Variants in MAOA observed in about 807,000 individuals in gnomAD.
The protein encoded by MAOA is amine oxidase [flavin-containing] A.
In MAOA, 6 loss-of-function variants were observed where a neutral mutation model predicts 42.0. The ratio of observed to expected loss-of-function variants is 0.14; its 90% CI spans 0.08 to 0.28. The LOEUF (loss-of-function observed/expected upper bound fraction) is 0.28. Ranked by LOEUF, MAOA falls within the 10% of genes least tolerant of loss-of-function variation. The probability of loss-of-function intolerance (pLI) is 1.00; values close to 1 mark genes in which losing one functional copy is unlikely to be tolerated. For synonymous variants in MAOA, 140 were observed against 154.0 expected, an observed-to-expected ratio of 0.91 and a Z score of 0.67; for missense variants, 262 against 422.3, an observed-to-expected ratio of 0.62 and a Z score of 3.33.
chrX:43,745,676 T>G lies in MAOA; in HGVS notation c.*1163T>G, dbSNP rs932944383. 9.0e-6 allele frequency: 1 copy of G among 111,458 alleles called. No individual in the cohort carries two copies. The highest frequency in any genetic ancestry group is 3.3e-5 in the African/African-American group (1 of 30,628). 9.2% of individuals were successfully genotyped at this position (111,458 alleles called of 1,213,427 possible). A position where few individuals can be genotyped will look rare whatever the true frequency, so the allele number is the denominator to read the frequency against. On this transcript the variant is annotated 3_prime_UTR_variant, in exon 15 of 15. Coordinates refer to ENST00000338702, the MANE Select transcript of MAOA (RefSeq NM_000240.4). ...TTAAGTTTTATAAAAGACATGAAAT[T>G]GAGTCATTTTATATATGAAAACTAA...
At chrX:43,682,160 C>T (rs1436838790) in intron 1 of MAOA, among the ~76,000 whole-genome samples, 7 of 111,470 alleles carry the variant, frequency 6.3e-5, no homozygotes, top group African/African-American at 1.6e-4. Flanking sequence ...GGATTACAGG[C>T]GTGAGCCACC....
At chrX:43,693,731 C>A (rs1276583707) in intron 3 of MAOA, among the ~76,000 whole-genome samples, 1 of 109,569 alleles carries the variant, frequency 9.1e-6, no homozygotes, top group Non-Finnish European at 1.9e-5. Context: ...CCTCCTAATG[C>A]ATTTGAAGGC....
intron 5 of MAOA, among the ~76,000 whole-genome samples, chrX:43,713,283 T>C (rs2033713184): frequency 1.8e-5 from 2 of 110,820 alleles, no homozygotes; most frequent in African/African-American, 3.3e-5. Context: ...AATTGAACAT[T>C]AAGAAGACAT....
In MAOA at chrX:43,672,999, G is replaced by T. The variant is rs777280355; in HGVS notation, c.74-10514G>T. 1.5e-4 allele frequency among the ~76,000 whole-genome samples: 17 copies of T among 111,227 alleles called. No homozygotes were observed. The East Asian group carries it at 4.8e-3, about 32-fold the overall frequency. On this transcript the variant is annotated intron_variant, in intron 1 of 14. Coordinates refer to ENST00000338702, the MANE Select transcript of MAOA (RefSeq NM_000240.4). The stretch of plus-strand genomic sequence containing the variant: ...CTCTCTTTTTCTATTGATTGGAATA[G>T]TTTCAGAAGGAATGGTACCAGTTCC...
At chrX:43,656,599 G>A (rs948940471) in intron 1 of MAOA, among the ~76,000 whole-genome samples, 185 bp downstream of exon 1, 1 of 111,146 alleles carries the variant, frequency 9.0e-6, no homozygotes, top group African/African-American at 3.3e-5. Context: ...GGTGTGACTG[G>A]GGGAGGCAGA....
rs1339460680 is a variant in MAOA at position 43,740,755 on chromosome X, T to A, written c.1164+17T>A. On this transcript the variant is annotated intron_variant, in intron 11 of 14. Transcript: ENST00000338702. ...GCTTTACATGTAAGAAACTCCCAGC[T>A]TTAATCCCTAGCAGGTTCTTCTCTG... The A allele has an allele frequency of 2.5e-6, 3 of 1,184,574 alleles. No homozygotes were observed. The highest frequency in any genetic ancestry group is 2.3e-4 in the Middle Eastern group (1 of 4,270).
At chrX:43,691,994 T>C (rs1469283235) in intron 2 of MAOA, among the ~76,000 whole-genome samples, 1 of 71,314 alleles carries the variant, frequency 1.4e-5, no homozygotes, top group African/African-American at 5.7e-5. Context: ...CAAGTTGCAC[T>C]GTATAGACAC....
intron 3 of MAOA, among the ~76,000 whole-genome samples, chrX:43,696,954 G>A (rs983182318): frequency 7.2e-5 from 8 of 111,420 alleles, no homozygotes; most frequent in Admixed American, 9.5e-5. Context: ...AATCACAGCC[G>A]CTGTGGTTGA....
chrX:43,670,324 A>G (rs1367172251), intron 1 of MAOA, among the ~76,000 whole-genome samples: 2 of 111,858 alleles, frequency 1.8e-5, no homozygotes, highest in South Asian at 3.7e-4. Flanking sequence ...TGGCCAATTC[A>G]TTATGGGATT....
chrX:43,722,569 G>T (rs2033799981), intron 5 of MAOA, among the ~76,000 whole-genome samples: 1 of 111,894 alleles, frequency 8.9e-6, no homozygotes, highest in South Asian at 3.7e-4. Context: ...TAGGTTCGTT[G>T]TAGATTCTGG....
chrX:43,683,484 T>G, intron 1 of MAOA, 29 bp from the exon 2 acceptor site: 1 of 1,076,042 alleles, frequency 9.3e-7, no homozygotes. Flanking sequence ...ATTTGAATGT[T>G]ACGTTGCTCT....
chrX:43,687,170 CAAGACCCCA>C (rs750006510), intron 2 of MAOA, among the ~76,000 whole-genome samples: 1 of 111,980 alleles, frequency 8.9e-6, no homozygotes, highest in Non-Finnish European at 1.9e-5. Flanking sequence ...AGATCTAAAT[CAAGACCCCA>C]AAGACTGAGG....
At chrX:43,732,664 A>T (rs757002049) in intron 8 of MAOA, 35 bp from the exon 9 acceptor site, 11 of 952,844 alleles carry the variant, frequency 1.2e-5, no homozygotes, top group Non-Finnish European at 1.7e-5. Context: ...GATGAGCTTG[A>T]TCTCGATCTC....
chrX:43,707,765 C>T (rs1435401398), intron 3 of MAOA, among the ~76,000 whole-genome samples: 1 of 111,950 alleles, frequency 8.9e-6, no homozygotes, highest in Admixed American at 9.5e-5. Flanking sequence ...ATAAGCTGTA[C>T]AGGCATGTTT....
chrX:43,718,000 T>G (rs1341091457), intron 5 of MAOA, among the ~76,000 whole-genome samples: 1 of 110,242 alleles, frequency 9.1e-6, no homozygotes, highest in Non-Finnish European at 1.9e-5. Context: ...GAAGGGTAGA[T>G]GTTTTAGGAA....
intron 2 of MAOA, 93 bp downstream of exon 2, chrX:43,683,700 A>G (rs1307416224): frequency 2.0e-5 from 14 of 713,173 alleles, no homozygotes. Flanking sequence ...AGGTCTTAAG[A>G]GTTCATGCAG....
chrX:43,701,255 G>A (rs1430478566), intron 3 of MAOA, among the ~76,000 whole-genome samples: 2 of 111,386 alleles, frequency 1.8e-5, no homozygotes, highest in East Asian at 5.6e-4. Context: ...GCACTGTTTA[G>A]AGAGCTAGGT....
chrX:43,721,731 G>A (rs1446955237), intron 5 of MAOA, among the ~76,000 whole-genome samples: 1 of 107,608 alleles, frequency 9.3e-6, no homozygotes, highest in Non-Finnish European at 1.9e-5. Flanking sequence ...GGGTACATGT[G>A]TACAACATGC....
chrX:43,729,270 T>C (rs2033862320), intron 6 of MAOA, among the ~76,000 whole-genome samples: 1 of 112,411 alleles, frequency 8.9e-6, no homozygotes, highest in African/African-American at 3.2e-5. Flanking sequence ...TTACTCCTTT[T>C]AGCCAGTATT....
Sources: gnomAD v4.1 joint callset for allele counts (sites outside exome capture counted in the v4.1 genomes callset) on GRCh38, gnomAD v4.1.1 for gene constraint, MANE v1.5 for transcripts, NCBI Gene and HGNC (gene_info 2026-07-23, HGNC 2026-07-21) for gene names.